Variants in CCDC148 observed in about 807,000 individuals in gnomAD.
CCDC148 encodes coiled-coil domain containing 148, also known as coiled-coil domain-containing protein 148.
In CCDC148, 89 loss-of-function variants were observed where a neutral mutation model predicts 85.7. The observed-to-expected ratio is 1.04, with a 90% CI of 0.87 to 1.24. CCDC148 has a LOEUF of 1.24. Ranked by LOEUF, CCDC148 falls within the 50% of genes most tolerant of loss-of-function variation. CCDC148 has a pLI of 0.00. For missense variants in CCDC148, 692 were observed against 671.7 expected, an observed-to-expected ratio of 1.03 and a Z score of -0.33; for synonymous variants, 230 against 213.9, an observed-to-expected ratio of 1.08 and a Z score of -0.66.
At chr2:158,384,610 T>G (rs1313202288) in intron 1 of CCDC148, among the ~76,000 whole-genome samples, 1 of 152,210 alleles carries the variant, frequency 6.6e-6, no homozygotes, top group Non-Finnish European at 1.5e-5. Flanking sequence ...CCATGTTTTC[T>G]GTACAGCATG....
chr2:158,297,703 A>G (rs191168815), intron 9 of CCDC148, among the ~76,000 whole-genome samples: 7 of 152,302 alleles, frequency 4.6e-5, no homozygotes, highest in Non-Finnish European at 8.8e-5. Flanking sequence ...GCAGAGAAGC[A>G]AGCTCTAGAC....
At chr2:158,387,070 C>T (rs909690150) in intron 1 of CCDC148, among the ~76,000 whole-genome samples, 1 of 152,040 alleles carries the variant, frequency 6.6e-6, no homozygotes, top group African/African-American at 2.4e-5. Flanking sequence ...TTGAATGTTT[C>T]CTTTCTTTCT....
intron 2 of CCDC148, among the ~76,000 whole-genome samples, chr2:158,346,014 T>C (rs547317823): frequency 7.2e-5 from 11 of 152,242 alleles, no homozygotes; most frequent in Non-Finnish European, 1.2e-4. Flanking sequence ...TCATGTAGCA[T>C]TGAAATCTAA....
At chr2:158,264,193 A>G (rs1482199887) in intron 9 of CCDC148, among the ~76,000 whole-genome samples, 1 of 152,020 alleles carries the variant, frequency 6.6e-6, no homozygotes, top group Non-Finnish European at 1.5e-5. Flanking sequence ...GGATTTACTA[A>G]CTTATAGGAC....
chr2:158,327,223 A>G (rs1692823718), intron 7 of CCDC148, among the ~76,000 whole-genome samples: 1 of 152,144 alleles, frequency 6.6e-6, no homozygotes, highest in South Asian at 2.1e-4. Context: ...AGTCCTGCTG[A>G]TCTGCTCTAT....
At chr2:158,280,891 A>G (rs571367803) in intron 9 of CCDC148, among the ~76,000 whole-genome samples, 9 of 152,330 alleles carry the variant, frequency 5.9e-5, no homozygotes, top group Non-Finnish European at 1.2e-4. Flanking sequence ...AGCTCTCCTC[A>G]GCAAATGTAA....
chr2:158,177,659 T>A, intron 12 of CCDC148, among the ~76,000 whole-genome samples: 1 of 152,148 alleles, frequency 6.6e-6, no homozygotes, highest in African/African-American at 2.4e-5. Flanking sequence ...ATATATAAGT[T>A]GAATAACTAA....
intron 1 of CCDC148, among the ~76,000 whole-genome samples, chr2:158,415,215 A>G (rs998337740): frequency 5.3e-5 from 8 of 151,936 alleles, no homozygotes; most frequent in Admixed American, 3.3e-4. Context: ...CTCAACAATC[A>G]TGGCAGAAGG....
chr2:158,395,959 A>G (rs77933777), intron 1 of CCDC148, among the ~76,000 whole-genome samples: 11,338 of 152,180 alleles, frequency 0.075, 568 homozygotes, highest in Middle Eastern at 0.1. Context: ...CATTTAATAA[A>G]CTGGGATTTC....
chr2:158,380,636 T>C (rs1028648286), intron 1 of CCDC148, among the ~76,000 whole-genome samples: 2 of 152,118 alleles, frequency 1.3e-5, no homozygotes, highest in Non-Finnish European at 2.9e-5. Context: ...AAAATATGTA[T>C]AGAAATGCAA....
At chr2:158,439,305 G>A (rs1687824151) in intron 1 of CCDC148, among the ~76,000 whole-genome samples, 1 of 152,124 alleles carries the variant, frequency 6.6e-6, no homozygotes. Context: ...CATAAAAAAG[G>A]ATGAGTTCAT....
chr2:158,183,381 T>A (rs2105265789), intron 11 of CCDC148, among the ~76,000 whole-genome samples: 1 of 152,252 alleles, frequency 6.6e-6, no homozygotes, highest in African/African-American at 2.4e-5. Context: ...TGATCCGTAG[T>A]AACAGCTTCC....
chr2:158,347,923 A>T (rs1165024859), intron 2 of CCDC148, among the ~76,000 whole-genome samples: 1 of 152,122 alleles, frequency 6.6e-6, no homozygotes, highest in South Asian at 2.1e-4. Context: ...AAACAACTAC[A>T]GTAAGATGCA....
chr2:158,250,873 G>C lies in CCDC148; in HGVS notation c.1150C>G (p.Leu384Val). The change falls in exon 10 of 14, where the codon CTG becomes GTG. Residue 384 changes from leucine (L) to valine (V), a missense_variant. Coordinates refer to ENST00000283233, the MANE Select transcript of CCDC148 (RefSeq NM_138803.4). ...CTTCTGGCAGAAATTTCCATTTCCA[G>C]TCTTGCTACCTCTTCTTGGTGGGCT... Reference protein sequence around the residue: ...WRAHQEEVARLEMEISARRRE... With the variant: ...WRAHQEEVARVEMEISARRRE... The C allele has an allele frequency of 1.9e-6, 3 of 1,603,368 alleles. No homozygotes were observed. Among genetic ancestry groups the C allele is most frequent in the Non-Finnish European group, 1.7e-6 (2 of 1,176,790 alleles).
intron 9 of CCDC148, among the ~76,000 whole-genome samples, chr2:158,276,895 G>T (rs988764177): frequency 2.6e-5 from 4 of 152,182 alleles, no homozygotes; most frequent in African/African-American, 7.2e-5. Context: ...AATAGAAAAA[G>T]TATGATGTTT....
intron 9 of CCDC148, among the ~76,000 whole-genome samples, chr2:158,280,694 C>T (rs1188511752): frequency 6.6e-6 from 1 of 152,140 alleles, no homozygotes; most frequent in Non-Finnish European, 1.5e-5. Flanking sequence ...TTTAACACCC[C>T]ACTGTCAACA....
intron 9 of CCDC148, among the ~76,000 whole-genome samples, chr2:158,296,659 T>C (rs1417475727): frequency 6.6e-6 from 1 of 152,214 alleles, no homozygotes; most frequent in African/African-American, 2.4e-5. Flanking sequence ...GCCACAGAAA[T>C]ATAAGGCTCT....
intron 1 of CCDC148, among the ~76,000 whole-genome samples, chr2:158,435,855 C>T (rs531178249): frequency 2.6e-5 from 4 of 152,072 alleles, no homozygotes; most frequent in East Asian, 1.9e-4. Context: ...GACTTTGAAC[C>T]GACAAAGATC....
intron 11 of CCDC148, among the ~76,000 whole-genome samples, chr2:158,206,778 G>T (rs13432858): frequency 0.51 from 77,248 of 152,038 alleles, 23,250 homozygotes; most frequent in East Asian, 0.72. Context: ...AGTCCAGAGT[G>T]CCCATGTATT....
Sources: allele counts gnomAD v4.1 joint callset (sites outside exome capture counted in the v4.1 genomes callset), GRCh38; gene constraint gnomAD v4.1.1; transcripts MANE v1.5; gene names NCBI Gene and HGNC (gene_info 2026-07-23, HGNC 2026-07-21).